The following LOC128125822 variants were observed in gnomAD, a reference collection of about 807,000 sequenced individuals.
At chr6:63,582,799 A>G in the LOC128125822 span, 1 of 152,094 alleles carries the variant, frequency 6.6e-6, no homozygotes, top group Non-Finnish European at 1.5e-5. Flanking sequence ...CACTGCAACC[A>G]TTGTTTCCCC....
the LOC128125822 span, among the ~76,000 whole-genome samples, chr6:63,574,636 A>C: frequency 6.6e-6 from 1 of 152,198 alleles, no homozygotes; most frequent in Non-Finnish European, 1.5e-5. Context: ...TTTAGCTATT[A>C]AATATGGAAA....
the LOC128125822 span, chr6:63,582,419 T>G: frequency 6.6e-6 from 1 of 152,662 alleles, no homozygotes; most frequent in Admixed American, 6.5e-5. Context: ...ATTTACTTTA[T>G]AAACCTTATC....
At chr6:63,579,776 C>T in the LOC128125822 span, among the ~76,000 whole-genome samples, 19 of 152,304 alleles carry the variant, frequency 1.2e-4, no homozygotes, top group African/African-American at 4.1e-4. Context: ...CTTCTGACTT[C>T]ACTATAAATT....
chr6:63,580,828 C>T, the LOC128125822 span: 3 of 151,802 alleles, frequency 2.0e-5, no homozygotes, highest in Admixed American at 6.6e-5. Context: ...TGAAAATCTA[C>T]GTTGTACAGA....
the LOC128125822 span, among the ~76,000 whole-genome samples, chr6:63,575,218 G>A: frequency 1.3e-5 from 2 of 152,138 alleles, no homozygotes; most frequent in African/African-American, 2.4e-5. Flanking sequence ...ATTTAAGCAT[G>A]GAAACTAATG....
chr6:63,574,319 C>T, the LOC128125822 span, among the ~76,000 whole-genome samples: 98 of 152,300 alleles, frequency 6.4e-4, 1 homozygote, highest in Non-Finnish European at 1.2e-3. Context: ...CTTTCCTCCT[C>T]TCCCTTCTTG....
the LOC128125822 span, among the ~76,000 whole-genome samples, chr6:63,579,843 C>T: frequency 1.3e-5 from 2 of 152,062 alleles, no homozygotes; most frequent in Admixed American, 1.3e-4. Flanking sequence ...ACTGTTGTAA[C>T]CAATACTCAA....
the LOC128125822 span, among the ~76,000 whole-genome samples, chr6:63,574,737 C>G: frequency 1.3e-5 from 2 of 152,012 alleles, no homozygotes; most frequent in Admixed American, 6.6e-5. Context: ...CATTATAAAG[C>G]TTTTAAAGAT....
the LOC128125822 span, among the ~76,000 whole-genome samples, chr6:63,574,978 C>CT: frequency 6.6e-6 from 1 of 152,120 alleles, no homozygotes; most frequent in African/African-American, 2.4e-5. Context: ...TGAAAGTTAC[C>CT]TTTTTTATGG....
chr6:63,577,245 A>C, the LOC128125822 span, among the ~76,000 whole-genome samples: 1 of 152,222 alleles, frequency 6.6e-6, no homozygotes, highest in Admixed American at 6.5e-5. Context: ...GCTCTTACTT[A>C]TCTTGTAAGA....
the LOC128125822 span, chr6:63,576,761 A>T: frequency 2.7e-6 from 2 of 749,474 alleles, no homozygotes; most frequent in South Asian, 3.7e-5. Context: ...TTCATACTCA[A>T]AGCACTGAGA....
the LOC128125822 span, chr6:63,578,576 A>G: frequency 1.3e-6 from 2 of 1,571,472 alleles, no homozygotes; most frequent in Non-Finnish European, 1.7e-6. Context: ...GTGCTACAAA[A>G]GTTTATTCAA....
the LOC128125822 span, chr6:63,580,165 C>T: frequency 6.2e-7 from 1 of 1,609,336 alleles, no homozygotes; most frequent in Middle Eastern, 1.7e-4. Context: ...ACAACTGTTG[C>T]ATTCAATAAA....
chr6:63,578,991 T>G, the LOC128125822 span: 1 of 1,607,826 alleles, frequency 6.2e-7, no homozygotes, highest in Non-Finnish European at 8.5e-7. Context: ...AGAACCTGGT[T>G]GTTGTATTGC....
At chr6:63,579,716 GAACA>G in the LOC128125822 span, among the ~76,000 whole-genome samples, 1 of 152,174 alleles carries the variant, frequency 6.6e-6, no homozygotes, top group South Asian at 2.1e-4. Context: ...GAGTGCTGTA[GAACA>G]TGCCTTTGTG....
chr6:63,580,430 T>G, the LOC128125822 span: 1 of 391,444 alleles, frequency 2.6e-6, no homozygotes, highest in South Asian at 3.9e-5. Flanking sequence ...AATTGACCTT[T>G]CCCCAAATCA....
chr6:63,579,237 C>T, the LOC128125822 span: 1 of 1,580,324 alleles, frequency 6.3e-7, no homozygotes, highest in Non-Finnish European at 8.6e-7. Context: ...AACTATTTAT[C>T]AAAATTCTTA....
the LOC128125822 span, among the ~76,000 whole-genome samples, chr6:63,577,935 C>G: frequency 1.3e-5 from 2 of 150,290 alleles, no homozygotes; most frequent in African/African-American, 4.9e-5. Flanking sequence ...CATTTTGAAG[C>G]CTGTAGTTTT....
chr6:63,579,118 A>G, the LOC128125822 span: 2 of 1,398,160 alleles, frequency 1.4e-6, no homozygotes, highest in Middle Eastern at 2.0e-4. Context: ...TTTTTAATAT[A>G]AAGTCAACAT....
Sources: allele counts gnomAD v4.1 joint callset (sites outside exome capture counted in the v4.1 genomes callset), GRCh38; gene constraint gnomAD v4.1.1; transcripts MANE v1.5.